The following DLGAP2 variants were observed in gnomAD, a reference collection of about 807,000 sequenced individuals.
DLGAP2 encodes disks large-associated protein 2.
In DLGAP2, 26 loss-of-function variants were observed where a neutral mutation model predicts 100.3. That is an observed-to-expected ratio of 0.26 (90% confidence interval 0.19 to 0.36). DLGAP2 has a LOEUF of 0.36. Ranked by LOEUF, DLGAP2 falls within the 10% of genes least tolerant of loss-of-function variation. DLGAP2 has a pLI of 1.00. For synonymous variants in DLGAP2, 886 were observed against 630.1 expected (o/e 1.41, Z -6.08); for missense variants, 1,858 against 1,453.2 (o/e 1.28, Z -4.53).
chr8:788,468 C>G (rs1475320741), intron 1 of DLGAP2, among the ~76,000 whole-genome samples: 1 of 152,228 alleles, frequency 6.6e-6, no homozygotes, highest in Non-Finnish European at 1.5e-5. Context: ...AAGCCTCAGC[C>G]TTTGGGGCTT....
chr8:1,164,357 T>C (rs1796970124), intron 2 of DLGAP2, among the ~76,000 whole-genome samples: 1 of 150,458 alleles, frequency 6.6e-6, no homozygotes, highest in East Asian at 2.0e-4. Context: ...GGGCCCGTCG[T>C]TTTGGTTTGT....
At chr8:1,334,713 G>A (rs1801232639) in intron 3 of DLGAP2, among the ~76,000 whole-genome samples, 1 of 152,068 alleles carries the variant, frequency 6.6e-6, no homozygotes, top group East Asian at 1.9e-4. Flanking sequence ...CAGCAGCCAG[G>A]CCGTGTGCCT....
chr8:1,197,263 C>T (rs900015977), intron 2 of DLGAP2, among the ~76,000 whole-genome samples: 1 of 152,240 alleles, frequency 6.6e-6, no homozygotes, highest in African/African-American at 2.4e-5. Context: ...ACCCGGAAGT[C>T]ATGTTTCACC....
At chr8:1,568,894 C>T (rs7009704) in intron 6 of DLGAP2, among the ~76,000 whole-genome samples, 1,109 of 33,552 alleles carry the variant, frequency 0.033, 15 homozygotes, top group Admixed American at 0.05. Context: ...TCTCTGCCTG[C>T]GGCCCCCATG....
chr8:1,303,161 GC>G (rs1563071927), intron 3 of DLGAP2, among the ~76,000 whole-genome samples: 5 of 152,202 alleles, frequency 3.3e-5, no homozygotes. Flanking sequence ...ACTTTGGAAG[GC>G]CGAGGCGGGT....
At chr8:1,580,071 C>T (rs1803165470) in intron 6 of DLGAP2, among the ~76,000 whole-genome samples, 1 of 152,194 alleles carries the variant, frequency 6.6e-6, no homozygotes, top group East Asian at 1.9e-4. Context: ...TCCCACTGTT[C>T]TGTACACGAT....
At chr8:1,524,984 T>C (rs1800743429) in intron 4 of DLGAP2, among the ~76,000 whole-genome samples, 1 of 152,202 alleles carries the variant, frequency 6.6e-6, no homozygotes, top group African/African-American at 2.4e-5. Context: ...GAGATTGTCC[T>C]TTTGTGGATG....
intron 2 of DLGAP2, among the ~76,000 whole-genome samples, chr8:1,212,219 G>A (rs545480868): frequency 1.3e-5 from 2 of 152,300 alleles, no homozygotes; most frequent in South Asian, 2.1e-4. Flanking sequence ...TCAAAGACAC[G>A]CAGGTTGTCT....
At chr8:1,336,331 AG>A (rs1333548247) in intron 3 of DLGAP2, among the ~76,000 whole-genome samples, 3 of 152,302 alleles carry the variant, frequency 2.0e-5, no homozygotes, top group African/African-American at 7.2e-5. Context: ...GAAGTGAAGA[AG>A]GGAGAGGGGT....
At chr8:921,425 G>A (rs1362476460) in intron 2 of DLGAP2, among the ~76,000 whole-genome samples, 1 of 152,066 alleles carries the variant, frequency 6.6e-6, no homozygotes, top group Admixed American at 6.6e-5. Context: ...CTGTGTCCAC[G>A]TGTCCACAGA....
intron 6 of DLGAP2, among the ~76,000 whole-genome samples, chr8:1,576,574 T>A (rs1343464096): frequency 6.6e-6 from 1 of 152,182 alleles, no homozygotes; most frequent in Non-Finnish European, 1.5e-5. Flanking sequence ...AATGCCTAGG[T>A]TTTCTTCTAG....
intron 2 of DLGAP2, among the ~76,000 whole-genome samples, chr8:1,017,770 ACT>A (rs1801509274): frequency 6.6e-6 from 1 of 152,064 alleles, no homozygotes; most frequent in African/African-American, 2.4e-5. Context: ...GGGCGGGTAG[ACT>A]CGTCTGAGTG....
intron 3 of DLGAP2, among the ~76,000 whole-genome samples, chr8:1,452,047 G>A (rs1003676437): frequency 2.0e-5 from 3 of 152,264 alleles, no homozygotes; most frequent in East Asian, 1.9e-4. Context: ...GCACACAACC[G>A]AGGCATCCGG....
chr8:1,668,438 C>A lies in DLGAP2; in HGVS notation c.1920C>A (p.Asp640Glu), dbSNP rs373983764. 6.2e-7 allele frequency: 1 copy of A among 1,601,678 alleles called. No individual in the cohort carries two copies. The highest frequency in any genetic ancestry group is 8.5e-7 in the Non-Finnish European group (1 of 1,174,738). The change falls in exon 9 of 15, where the codon GAC becomes GAA. Residue 640 changes from aspartate to glutamate, a missense_variant. Physicochemically the swap from Asp to Glu is conservative, Grantham distance 45. Coordinates refer to ENST00000637795, the MANE Select transcript of DLGAP2 (RefSeq NM_001346810.2). ...AGAGCAGCACCGAATCCACCCAGGACGCCTACCAGGACAGCCGCGCACAGA... is the reference window on the plus strand; with the variant it reads ...AGAGCAGCACCGAATCCACCCAGGAAGCCTACCAGGACAGCCGCGCACAGA... Reference protein sequence around the residue: ...TAQSSTESTQDAYQDSRAQRM... With the variant: ...TAQSSTESTQEAYQDSRAQRM...
chr8:1,025,506 A>G (rs141941056), intron 2 of DLGAP2, among the ~76,000 whole-genome samples: 60 of 152,292 alleles, frequency 3.9e-4, no homozygotes, highest in African/African-American at 1.4e-3. Flanking sequence ...AAGAAGCACA[A>G]AGAGTTACCA....
At chr8:1,155,628 C>A (rs1796768034) in intron 2 of DLGAP2, among the ~76,000 whole-genome samples, 1 of 152,172 alleles carries the variant, frequency 6.6e-6, no homozygotes, top group African/African-American at 2.4e-5. Flanking sequence ...GGTTTTGCTT[C>A]GCGATGGGCG....
At chr8:956,986 C>G (rs973007480) in intron 2 of DLGAP2, among the ~76,000 whole-genome samples, 1 of 152,160 alleles carries the variant, frequency 6.6e-6, no homozygotes, top group Non-Finnish European at 1.5e-5. Context: ...TAGATTGCTC[C>G]AAGACACACA....
At chr8:904,573 G>C (rs974194692) in intron 1 of DLGAP2, among the ~76,000 whole-genome samples, 1 of 152,142 alleles carries the variant, frequency 6.6e-6, no homozygotes, top group East Asian at 1.9e-4. Context: ...TCACTGACCC[G>C]GGGGTGCTTC....
intron 2 of DLGAP2, among the ~76,000 whole-genome samples, chr8:1,199,290 T>C (rs559891192): frequency 6.6e-6 from 1 of 152,240 alleles, no homozygotes; most frequent in Non-Finnish European, 1.5e-5. Flanking sequence ...AACAGATATC[T>C]TGCAATATTT....
Sources: gnomAD v4.1 joint callset for allele counts (sites outside exome capture counted in the v4.1 genomes callset) on GRCh38, gnomAD v4.1.1 for gene constraint, MANE v1.5 for transcripts, NCBI Gene and HGNC (gene_info 2026-07-23, HGNC 2026-07-21) for gene names.